DAB1: variants seen among roughly 807,000 people sequenced by gnomAD.
DAB1 encodes the protein disabled homolog 1.
Under a neutral mutation model 64.6 loss-of-function variants are expected in DAB1, and 15 were observed. The ratio of observed to expected loss-of-function variants is 0.23; its 90% CI spans 0.16 to 0.36. DAB1 has a LOEUF of 0.36. DAB1 is among the 10% of genes least tolerant of loss of function. The pLI is 1.00. For missense variants in DAB1, 596 were observed against 706.7 expected (o/e 0.84, Z 1.78); for synonymous variants, 235 against 251.9 (o/e 0.93, Z 0.64).
intron 5 of DAB1, among the ~76,000 whole-genome samples, chr1:57,985,391 G>C (rs1008485953): frequency 2.0e-5 from 3 of 152,150 alleles, no homozygotes; most frequent in Non-Finnish European, 2.9e-5. Context: ...CCTGGAACAT[G>C]TTTGTGTCAC....
intron 5 of DAB1, among the ~76,000 whole-genome samples, chr1:57,934,928 T>C (rs139465801): frequency 5.8e-4 from 89 of 152,346 alleles, no homozygotes; most frequent in African/African-American, 1.9e-3. Context: ...AAAATTGCTG[T>C]GACCTGGGAA....
At chr1:58,074,029 A>T (rs1008272234) in intron 5 of DAB1, among the ~76,000 whole-genome samples, 1 of 152,206 alleles carries the variant, frequency 6.6e-6, no homozygotes, top group Non-Finnish European at 1.5e-5. Context: ...ACACAGGTTC[A>T]AACCAACCTT....
intron 2 of DAB1, among the ~76,000 whole-genome samples, chr1:57,232,878 T>C (rs1046512251): frequency 3.3e-5 from 5 of 152,162 alleles, no homozygotes; most frequent in South Asian, 2.1e-4. Context: ...GCAAGTGCCA[T>C]ATAAATTTTT....
At chr1:57,736,922 C>T (rs565494611) in intron 6 of DAB1, among the ~76,000 whole-genome samples, 5 of 152,092 alleles carry the variant, frequency 3.3e-5, no homozygotes, top group Non-Finnish European at 7.3e-5. Flanking sequence ...GAAGAGACAA[C>T]CTAGGTGTGG....
chr1:57,666,640 T>C (rs1156246952), intron 6 of DAB1, among the ~76,000 whole-genome samples: 2 of 152,162 alleles, frequency 1.3e-5, no homozygotes, highest in Non-Finnish European at 2.9e-5. Flanking sequence ...GATTTAAATC[T>C]CACTTCTAAT....
At chr1:57,203,742 T>C (rs1307880454) in intron 2 of DAB1, among the ~76,000 whole-genome samples, 1 of 152,128 alleles carries the variant, frequency 6.6e-6, no homozygotes, top group African/African-American at 2.4e-5. Flanking sequence ...CCCATACTCA[T>C]GTGTTTTTCA....
intron 4 of DAB1, among the ~76,000 whole-genome samples, chr1:58,277,498 T>A (rs1661477950): frequency 6.6e-6 from 1 of 152,170 alleles, no homozygotes. Flanking sequence ...GAAACTTCTG[T>A]TGCCTCTGAT....
intron 11 of DAB1, among the ~76,000 whole-genome samples, chr1:57,022,710 A>G (rs888582910): frequency 3.9e-5 from 6 of 152,280 alleles, no homozygotes; most frequent in African/African-American, 1.4e-4. Flanking sequence ...TCTATTTGCC[A>G]TTTATAAGAA....
chr1:58,303,049 C>G (rs2100464932), intron 4 of DAB1, among the ~76,000 whole-genome samples: 1 of 152,272 alleles, frequency 6.6e-6, no homozygotes, highest in Middle Eastern at 3.4e-3. Flanking sequence ...TACCAACTGG[C>G]TTTCAGCTGG....
chr1:58,456,675 G>A (rs914250807), intron 3 of DAB1, among the ~76,000 whole-genome samples: 7 of 152,146 alleles, frequency 4.6e-5, no homozygotes, highest in African/African-American at 7.2e-5. Context: ...CACAAATCTC[G>A]AAAATATCCA....
At chr1:57,288,660 C>A (rs950948478) in intron 2 of DAB1, among the ~76,000 whole-genome samples, 7 of 151,818 alleles carry the variant, frequency 4.6e-5, no homozygotes, top group African/African-American at 1.7e-4. Context: ...TTTAAGCTGT[C>A]AAGTCTATGG....
intron 5 of DAB1, among the ~76,000 whole-genome samples, chr1:57,924,909 AATTATT>A (rs1226584085): frequency 1.1e-4 from 16 of 152,134 alleles, no homozygotes; most frequent in Non-Finnish European, 2.4e-4. Context: ...AAATGCCAAT[AATTATT>A]ATTATCACCA....
chr1:58,482,037 T>C (rs1645494937), intron 3 of DAB1, among the ~76,000 whole-genome samples: 1 of 152,098 alleles, frequency 6.6e-6, no homozygotes, highest in African/African-American at 2.4e-5. Context: ...CCAGGAGAAA[T>C]AAAACATTGC....
At chr1:58,491,942 C>A (rs1645701036) in intron 3 of DAB1, among the ~76,000 whole-genome samples, 1 of 152,148 alleles carries the variant, frequency 6.6e-6, no homozygotes, top group Non-Finnish European at 1.5e-5. Flanking sequence ...AACTCTCCAC[C>A]CCAAATCAAC....
intron 1 of DAB1, among the ~76,000 whole-genome samples, chr1:57,405,493 G>A (rs1214210985): frequency 6.6e-5 from 10 of 152,196 alleles, no homozygotes; most frequent in Non-Finnish European, 1.3e-4. Flanking sequence ...TGGTTCATAA[G>A]CTAAGAAAAG....
intron 5 of DAB1, among the ~76,000 whole-genome samples, chr1:58,125,434 C>T (rs1207592401): frequency 1.3e-5 from 2 of 149,944 alleles, no homozygotes; most frequent in African/African-American, 4.9e-5. Context: ...TTACATATCA[C>T]TTGATACTTT....
intron 7 of DAB1, among the ~76,000 whole-genome samples, chr1:57,512,353 G>A (rs1024797831): frequency 6.6e-6 from 1 of 152,178 alleles, no homozygotes; most frequent in South Asian, 2.1e-4. Context: ...TCACCCACCA[G>A]TTTGTCTGAA....
chr1:57,812,454 G>A (rs1225852364), intron 6 of DAB1, among the ~76,000 whole-genome samples: 2 of 152,160 alleles, frequency 1.3e-5, no homozygotes, highest in Non-Finnish European at 2.9e-5. Flanking sequence ...CTTCCCTTGA[G>A]TGAAGATGTG....
intron 5 of DAB1, among the ~76,000 whole-genome samples, chr1:58,052,720 A>C (rs1037676487): frequency 6.6e-6 from 1 of 152,032 alleles, no homozygotes; most frequent in African/African-American, 2.4e-5. Context: ...CTTTTATTTC[A>C]TTGAGCAGTG....
Sources: allele counts gnomAD v4.1 joint callset (sites outside exome capture counted in the v4.1 genomes callset), GRCh38; gene constraint gnomAD v4.1.1; transcripts MANE v1.5; gene names NCBI Gene and HGNC (gene_info 2026-07-23, HGNC 2026-07-21).